Variants in BAZ2B observed in about 807,000 individuals in gnomAD.
BAZ2B encodes bromodomain adjacent to zinc finger domain 2B, also known as bromodomain adjacent to zinc finger domain protein 2B.
In BAZ2B, 91 loss-of-function variants were observed where a neutral mutation model predicts 246.0. That is an observed-to-expected ratio of 0.37 (90% CI 0.31 to 0.44). The LOEUF (loss-of-function observed/expected upper bound fraction) is 0.44. Ranked by LOEUF, BAZ2B falls within the 20% of genes least tolerant of loss-of-function variation. The pLI, the probability that BAZ2B is intolerant of heterozygous loss-of-function variation, is 1.00. For synonymous variants in BAZ2B, 855 were observed against 860.0 expected, an observed-to-expected ratio of 0.99 and a Z score of 0.10; for missense variants, 2,332 against 2,533.7, an observed-to-expected ratio of 0.92 and a Z score of 1.71.
At chr2:159,635,393 A>G in the BAZ2B span, among the ~76,000 whole-genome samples, 1 of 152,116 alleles carries the variant, frequency 6.6e-6, no homozygotes, top group African/African-American at 2.4e-5. Context: ...ACAAAACCCA[A>G]AACAAAAACT....
chr2:159,430,000 C>T (rs77660479), intron 10 of BAZ2B, among the ~76,000 whole-genome samples: 10,576 of 151,990 alleles, frequency 0.07, 519 homozygotes, highest in South Asian at 0.14. Context: ...ATGAAGACCT[C>T]TAGGAATTTA....
chr2:159,385,531 A>G (rs1160060378), intron 22 of BAZ2B, among the ~76,000 whole-genome samples, 162 bp from the exon 23 acceptor site: 1 of 152,100 alleles, frequency 6.6e-6, no homozygotes, highest in Non-Finnish European at 1.5e-5. Flanking sequence ...AATAGAAGAC[A>G]GACAAATATT....
chr2:159,476,577 G>A (rs1175405054), intron 3 of BAZ2B, among the ~76,000 whole-genome samples: 3 of 152,144 alleles, frequency 2.0e-5, no homozygotes, highest in African/African-American at 7.2e-5. Context: ...AAATTCCAAT[G>A]TCACTAATTC....
At chr2:159,473,219 G>T (rs1020197614) in intron 3 of BAZ2B, among the ~76,000 whole-genome samples, 1 of 152,140 alleles carries the variant, frequency 6.6e-6, no homozygotes, top group Admixed American at 6.5e-5. Context: ...TTGGTTGGTA[G>T]ACTACTAGTT....
chr2:159,486,094 C>G (rs1456065446), intron 2 of BAZ2B, among the ~76,000 whole-genome samples: 1 of 151,946 alleles, frequency 6.6e-6, no homozygotes, highest in East Asian at 1.9e-4. Context: ...TTTAATATCT[C>G]TATATCAACT....
At chr2:159,688,521 GAAGT>G in the BAZ2B span, among the ~76,000 whole-genome samples, 4 of 151,924 alleles carry the variant, frequency 2.6e-5, no homozygotes, top group African/African-American at 7.3e-5. Flanking sequence ...TCAAAATAAG[GAAGT>G]TAGTATTAAT....
At chr2:159,482,207 A>C (rs1293745133) in intron 2 of BAZ2B, among the ~76,000 whole-genome samples, 2 of 151,916 alleles carry the variant, frequency 1.3e-5, no homozygotes, top group Admixed American at 1.3e-4. Flanking sequence ...GAAGTTAAAG[A>C]GTATAAAAAA....
intron 2 of BAZ2B, among the ~76,000 whole-genome samples, chr2:159,524,695 T>A (rs545462326): frequency 8.4e-4 from 128 of 152,356 alleles, no homozygotes; most frequent in African/African-American, 2.8e-3. Context: ...TTCTGTAGTA[T>A]TTTAAACTAA....
At position 159,533,037 on chromosome 2, in the gene BAZ2B, A is replaced by T. The variant is rs78532754; in HGVS notation, c.-3+22786T>A. Among the ~76,000 whole-genome samples the T allele has an allele frequency of 9.8e-5, 15 of 152,342 alleles. No homozygotes were observed. The East Asian group carries it at 2.9e-3, about 29-fold the overall frequency. On this transcript the variant is annotated intron_variant, in intron 2 of 36. Coordinates refer to ENST00000392783, the MANE Select transcript of BAZ2B (RefSeq NM_013450.4). ...GAATAGGAGACATGATACTGGAGAC[A>T]GAGAAACTAGAAAGTAAATTAATAT...
At chr2:159,603,506 C>T (rs927191834) in intron 1 of BAZ2B, among the ~76,000 whole-genome samples, 2 of 151,970 alleles carry the variant, frequency 1.3e-5, no homozygotes, top group African/African-American at 4.8e-5. Context: ...CGTTCTAGTT[C>T]GTGATTATCA....
At chr2:159,554,445 T>C (rs2088789853) in intron 2 of BAZ2B, among the ~76,000 whole-genome samples, 1 of 152,146 alleles carries the variant, frequency 6.6e-6, no homozygotes, top group African/African-American at 2.4e-5. Context: ...AGGAAAGAGC[T>C]ACAAATCAAA....
chr2:159,557,223 T>A (rs1490158643), intron 1 of BAZ2B, among the ~76,000 whole-genome samples: 1 of 145,710 alleles, frequency 6.9e-6, no homozygotes, highest in Non-Finnish European at 1.5e-5. Flanking sequence ...CTAATTAATT[T>A]TTTTTTTTTT....
intron 1 of BAZ2B, among the ~76,000 whole-genome samples, chr2:159,576,843 G>T (rs994460847): frequency 2.8e-5 from 4 of 143,686 alleles, no homozygotes; most frequent in African/African-American, 7.8e-5. Context: ...AACCCAGGAG[G>T]CAGAGGTTGC....
chr2:159,669,977 CT>C, the BAZ2B span, among the ~76,000 whole-genome samples: 2 of 151,862 alleles, frequency 1.3e-5, no homozygotes, highest in Non-Finnish European at 2.9e-5. Flanking sequence ...TTTCTTTCCT[CT>C]TTTTTTTCTT....
At chr2:159,379,477 G>T (rs2061748126) in intron 25 of BAZ2B, among the ~76,000 whole-genome samples, 1 of 152,082 alleles carries the variant, frequency 6.6e-6, no homozygotes, top group South Asian at 2.1e-4. Context: ...TATTAAGAGG[G>T]TGAATCTTAC....
intron 2 of BAZ2B, among the ~76,000 whole-genome samples, chr2:159,518,047 A>T (rs2083615490): frequency 6.6e-6 from 1 of 152,240 alleles, no homozygotes; most frequent in African/African-American, 2.4e-5. Context: ...CTACCACATA[A>T]GTAGCTTTGA....
the BAZ2B span, chr2:159,689,851 G>A: frequency 2.1e-6 from 1 of 480,212 alleles, no homozygotes; most frequent in East Asian, 4.2e-5. Flanking sequence ...AGAATTGCTG[G>A]TACTGAGCAT....
chr2:159,485,861 A>G (rs2079768201), intron 2 of BAZ2B, among the ~76,000 whole-genome samples: 1 of 152,092 alleles, frequency 6.6e-6, no homozygotes, highest in South Asian at 2.1e-4. Context: ...TAAATCTTTT[A>G]AAGATTTACT....
At chr2:159,410,332 T>C (rs2066617723) in intron 14 of BAZ2B, among the ~76,000 whole-genome samples, 1 of 152,170 alleles carries the variant, frequency 6.6e-6, no homozygotes, top group Admixed American at 6.6e-5. Context: ...GGCTCTGTGT[T>C]CGTACCCAAA....
Sources: gnomAD v4.1 joint callset for allele counts (sites outside exome capture counted in the v4.1 genomes callset) on GRCh38, gnomAD v4.1.1 for gene constraint, MANE v1.5 for transcripts, NCBI Gene and HGNC (gene_info 2026-07-23, HGNC 2026-07-21) for gene names.